The following CSMD3 variants were observed in gnomAD, a reference collection of about 807,000 sequenced individuals.
CSMD3 encodes the protein CUB and Sushi multiple domains 3, also known as CUB and sushi domain-containing protein 3.
Under a neutral mutation model 435.2 loss-of-function variants are expected in CSMD3, and 177 were observed. The ratio of observed to expected loss-of-function variants is 0.41; its 90% CI spans 0.36 to 0.46. The LOEUF (loss-of-function observed/expected upper bound fraction) is 0.46. CSMD3 is among the 20% of genes least tolerant of loss of function. The pLI is 0.34. For synonymous variants in CSMD3, 1,656 were observed against 1,520.5 expected (o/e 1.09, Z -2.07); for missense variants, 4,265 against 4,504.6 (o/e 0.95, Z 1.52).
chr8:112,385,407 A>G (rs1829848404), intron 36 of CSMD3, among the ~76,000 whole-genome samples: 1 of 152,190 alleles, frequency 6.6e-6, no homozygotes, highest in African/African-American at 2.4e-5. Flanking sequence ...AAACTCAATA[A>G]AAAACTAAAC....
chr8:112,439,999 A>G (rs1814818628), intron 32 of CSMD3, among the ~76,000 whole-genome samples: 1 of 152,158 alleles, frequency 6.6e-6, no homozygotes, highest in Non-Finnish European at 1.5e-5. Flanking sequence ...ATTTGGAATA[A>G]CAATCATACC....
intron 1 of CSMD3, among the ~76,000 whole-genome samples, chr8:113,422,469 T>C (rs1045759479): frequency 7.2e-5 from 11 of 152,132 alleles, no homozygotes; most frequent in Admixed American, 2.6e-4. Context: ...TAAGTGAAAG[T>C]CAATCAATAT....
chr8:113,103,965 T>G (rs2090402868), intron 4 of CSMD3, among the ~76,000 whole-genome samples: 2 of 152,124 alleles, frequency 1.3e-5, no homozygotes, highest in Non-Finnish European at 2.9e-5. Flanking sequence ...GCTTTGGGTA[T>G]GAGACCACAC....
In CSMD3 at chr8:112,224,273, T is replaced by C. The variant is rs1442133401; in HGVS notation, c.*498A>G. ...ACTCAATCTTAAATAAAGAAAACAA[T>C]GCCTCATTTAACAAGAATGAATGGC... On this transcript the variant is annotated 3_prime_UTR_variant, in exon 71 of 71. Transcript: ENST00000297405. 1 of 160,514 alleles carries C rather than the reference T, an allele frequency of 6.2e-6. No homozygotes were observed. The highest frequency in any genetic ancestry group is 1.4e-5 in the Non-Finnish European group (1 of 72,336). The allele number at this position is 160,514 out of a possible 1,614,324, so 9.9% of individuals were successfully genotyped here.
At position 112,666,362 on chromosome 8, in the gene CSMD3, A is replaced by G. The variant is rs1356915011; in HGVS notation, c.2731T>C (p.Trp911Arg). The G allele has an allele frequency of 1.2e-6, 2 of 1,612,750 alleles. No individual in the cohort carries two copies. Among genetic ancestry groups the G allele is most frequent in the Non-Finnish European group, 1.7e-6 (2 of 1,179,266 alleles). ...AAAGAGTCTTTGTAGTATCCTGGCC[A>G]TCCTGGTGAGAGAATCACTCCACTG... is the stretch of plus-strand genomic sequence containing the variant. ...APSGVILSPG[W>R]PGYYKDSLNC... Residue 911 changes from tryptophan (W) to arginine (R), a missense_variant, in exon 17 of 71, where the codon TGG (tryptophan) becomes CGG (arginine). By Grantham distance (101) the Trp-to-Arg change is moderately radical. Transcript: ENST00000297405.
chr8:112,783,356 A>T (rs1460972505), intron 13 of CSMD3, among the ~76,000 whole-genome samples: 2 of 150,134 alleles, frequency 1.3e-5, no homozygotes, highest in East Asian at 2.0e-4. Context: ...AAGAATTAAA[A>T]CATACCATCA....
At chr8:112,276,017 C>A (rs567512304) in intron 59 of CSMD3, among the ~76,000 whole-genome samples, 1 of 152,148 alleles carries the variant, frequency 6.6e-6, no homozygotes, top group Non-Finnish European at 1.5e-5. Context: ...GTACTTCCAC[C>A]TATGAACCTA....
chr8:113,235,036 T>G (rs1218503467), intron 3 of CSMD3, among the ~76,000 whole-genome samples: 1 of 152,062 alleles, frequency 6.6e-6, no homozygotes, highest in Non-Finnish European at 1.5e-5. Flanking sequence ...TTGACAGATG[T>G]TTTTCATGGG....
intron 1 of CSMD3, among the ~76,000 whole-genome samples, chr8:113,335,222 G>A (rs1588541019): frequency 6.6e-6 from 1 of 152,018 alleles, no homozygotes; most frequent in Non-Finnish European, 1.5e-5. Context: ...AGAAGCTGAT[G>A]CTGCCGTACT....
At chr8:112,710,505 C>A (rs568293103) in intron 13 of CSMD3, among the ~76,000 whole-genome samples, 104 of 152,064 alleles carry the variant, frequency 6.8e-4, no homozygotes, top group African/African-American at 2.5e-3. Context: ...TCACATTAAC[C>A]CAACGCCAGT....
At chr8:113,251,543 TA>T (rs61363922) in intron 3 of CSMD3, among the ~76,000 whole-genome samples, 101,995 of 151,144 alleles carry the variant, frequency 0.67, 36,233 homozygotes, top group East Asian at 0.95. Flanking sequence ...TCACTAAAAG[TA>T]AAAAAAAAAT....
intron 42 of CSMD3, among the ~76,000 whole-genome samples, chr8:112,339,159 C>T (rs1307884064): frequency 5.9e-5 from 9 of 152,066 alleles, no homozygotes; most frequent in Admixed American, 5.9e-4. Flanking sequence ...TGGCTGTCTG[C>T]AACCAATCAG....
intron 1 of CSMD3, among the ~76,000 whole-genome samples, chr8:113,367,935 A>C (rs1192977697): frequency 6.6e-6 from 1 of 152,028 alleles, no homozygotes; most frequent in Non-Finnish European, 1.5e-5. Flanking sequence ...TTATTTATTT[A>C]CATGTGTGTT....
At chr8:112,969,018 AT>A (rs2084534884) in intron 7 of CSMD3, among the ~76,000 whole-genome samples, 1 of 152,000 alleles carries the variant, frequency 6.6e-6, no homozygotes, top group African/African-American at 2.4e-5. Context: ...TATTTTATGC[AT>A]AATAATATAG....
At chr8:113,421,718 A>G (rs1368033686) in intron 1 of CSMD3, among the ~76,000 whole-genome samples, 1 of 152,112 alleles carries the variant, frequency 6.6e-6, no homozygotes, top group Non-Finnish European at 1.5e-5. Context: ...TTCACCAAGC[A>G]CAAGGAAGGA....
At chr8:113,117,763 G>T (rs2090878159) in intron 4 of CSMD3, among the ~76,000 whole-genome samples, 1 of 152,228 alleles carries the variant, frequency 6.6e-6, no homozygotes, top group Non-Finnish European at 1.5e-5. Context: ...TGACCTAGAT[G>T]TGAGACATGG....
At chr8:113,243,641 C>G (rs1293018430) in intron 3 of CSMD3, among the ~76,000 whole-genome samples, 1 of 152,048 alleles carries the variant, frequency 6.6e-6, no homozygotes, top group Non-Finnish European at 1.5e-5. Context: ...ACTAGAATTG[C>G]TAGATTATAT....
rs200239265 is a variant in CSMD3 at position 113,030,446 on chromosome 8, G to T, written c.918-11267C>A. On this transcript the variant is annotated intron_variant, in intron 5 of 70. Transcript: ENST00000297405. The stretch of plus-strand genomic sequence containing the variant: ...AAAAAAAAAAAAAAAAAAAAAAAAA[G>T]ATAAGCATGTAGGCCAATGGAACAA... 7.3e-3 allele frequency among the ~76,000 whole-genome samples: 499 copies of T among 68,288 alleles called. 4 individuals carry two copies. Among genetic ancestry groups the T allele is most frequent in the African/African-American group, 0.026 (441 of 17,238 alleles). 44.8% of individuals were successfully genotyped at this position (68,288 alleles called of 152,430 possible).
In CSMD3 at chr8:112,415,303, C is replaced by T. The variant is rs1845043; in HGVS notation, c.5396-6271G>A. Reference sequence around the variant, plus strand: ...AAAAGGAACCAAGGTACAGCTTGAGCCATTACTTCAAAGGGTGCAAGTCCC... The same window carrying T: ...AAAAGGAACCAAGGTACAGCTTGAGTCATTACTTCAAAGGGTGCAAGTCCC... On this transcript the variant is annotated intron_variant, in intron 32 of 70. Transcript: ENST00000297405. 1.1e-3 allele frequency among the ~76,000 whole-genome samples: 160 copies of T among 152,354 alleles called. 1 individual carries two copies. Among genetic ancestry groups the T allele is most frequent in the Non-Finnish European group, 1.6e-3 (112 of 68,042 alleles).
Sources: allele counts gnomAD v4.1 joint callset (sites outside exome capture counted in the v4.1 genomes callset), GRCh38; gene constraint gnomAD v4.1.1; transcripts MANE v1.5; gene names NCBI Gene and HGNC (gene_info 2026-07-23, HGNC 2026-07-21).